Variants in ENOX1 observed in about 807,000 individuals in gnomAD.
The protein encoded by ENOX1 is ecto-NOX disulfide-thiol exchanger 1.
ENOX1 carries 42 observed loss-of-function variants against 82.5 expected under a neutral mutation model. That is an observed-to-expected ratio of 0.51 (90% CI 0.40 to 0.66). The LOEUF (loss-of-function observed/expected upper bound fraction) is 0.66. ENOX1 is among the 30% of genes least tolerant of loss of function. ENOX1 has a pLI of 0.00. For missense variants in ENOX1, 608 were observed against 811.6 expected, an observed-to-expected ratio of 0.75 and a Z score of 3.05; for synonymous variants, 271 against 282.2, an observed-to-expected ratio of 0.96 and a Z score of 0.40.
At chr13:43,598,894 G>A (rs1044668846) in intron 2 of ENOX1, among the ~76,000 whole-genome samples, 1 of 152,128 alleles carries the variant, frequency 6.6e-6, no homozygotes, top group Non-Finnish European at 1.5e-5. Context: ...ATGTTATTCT[G>A]TCACATACAT....
At chr13:43,720,670 G>C (rs2088508831) in intron 1 of ENOX1, among the ~76,000 whole-genome samples, 1 of 152,170 alleles carries the variant, frequency 6.6e-6, no homozygotes, top group Non-Finnish European at 1.5e-5. Flanking sequence ...AGTGAAGCCT[G>C]ATGGGACACT....
chr13:43,359,597 GC>G (rs1301762125), intron 7 of ENOX1: 3 of 491,338 alleles, frequency 6.1e-6, no homozygotes, highest in African/African-American at 5.8e-5. Flanking sequence ...CATCTAATAA[GC>G]ACTTGAGAAC....
At chr13:43,299,767 C>T (rs538738010) in intron 11 of ENOX1, among the ~76,000 whole-genome samples, 28 of 152,242 alleles carry the variant, frequency 1.8e-4, no homozygotes, top group African/African-American at 6.7e-4. Flanking sequence ...AAATTTGAAA[C>T]GCTTGTTACC....
intron 2 of ENOX1, among the ~76,000 whole-genome samples, chr13:43,540,473 A>G (rs1315509156): frequency 1.3e-5 from 2 of 152,226 alleles, no homozygotes; most frequent in Non-Finnish European, 2.9e-5. Flanking sequence ...AAGTATTGGC[A>G]GCATGATAAG....
At chr13:43,503,134 A>G (rs2077039620) in intron 2 of ENOX1, among the ~76,000 whole-genome samples, 1 of 151,746 alleles carries the variant, frequency 6.6e-6, no homozygotes, top group Non-Finnish European at 1.5e-5. Flanking sequence ...AAAAGAACGA[A>G]GTACTCAGGA....
chr13:43,346,751 G>A (rs867230103), intron 8 of ENOX1, among the ~76,000 whole-genome samples: 3 of 152,070 alleles, frequency 2.0e-5, no homozygotes, highest in East Asian at 1.9e-4. Flanking sequence ...CACTGCAACC[G>A]TTACTGGCAG....
At chr13:43,407,602 G>A (rs1372362682) in intron 5 of ENOX1, among the ~76,000 whole-genome samples, 2 of 152,132 alleles carry the variant, frequency 1.3e-5, no homozygotes, top group Non-Finnish European at 2.9e-5. Flanking sequence ...GCTAAATTAA[G>A]TTAGGAATTG....
chr13:43,486,857 T>A (rs766568409), intron 2 of ENOX1, among the ~76,000 whole-genome samples: 6 of 152,174 alleles, frequency 3.9e-5, no homozygotes, highest in Non-Finnish European at 8.8e-5. Flanking sequence ...CTGAGTAACA[T>A]ACAATAAGAA....
chr13:43,675,687 T>C (rs7986170), intron 1 of ENOX1, among the ~76,000 whole-genome samples: 12,365 of 152,202 alleles, frequency 0.081, 731 homozygotes, highest in African/African-American at 0.17. Flanking sequence ...GAAAGGTCTT[T>C]TGAAGGTCAC....
chr13:43,633,798 A>C (rs987236971), intron 2 of ENOX1, among the ~76,000 whole-genome samples: 6 of 151,774 alleles, frequency 4.0e-5, no homozygotes, highest in Non-Finnish European at 7.4e-5. Flanking sequence ...ACTTTTGGGG[A>C]GGTGAGGTTA....
At chr13:43,711,365 G>C (rs552358784) in intron 1 of ENOX1, among the ~76,000 whole-genome samples, 1 of 152,042 alleles carries the variant, frequency 6.6e-6, no homozygotes, top group Non-Finnish European at 1.5e-5. Context: ...ATTGTGAATA[G>C]TGCCACAATA....
chr13:43,704,795 C>T (rs2087145483), intron 1 of ENOX1, among the ~76,000 whole-genome samples: 2 of 152,186 alleles, frequency 1.3e-5, no homozygotes, highest in African/African-American at 4.8e-5. Flanking sequence ...GAGATTTCAG[C>T]AGCTGTATAT....
intron 2 of ENOX1, among the ~76,000 whole-genome samples, chr13:43,616,891 C>T (rs2082503289): frequency 6.6e-6 from 1 of 151,238 alleles, no homozygotes; most frequent in East Asian, 2.0e-4. Context: ...TATCTACTTA[C>T]ATTTTTTAAA....
chr13:43,283,104 TAAGC>T (rs146463200), intron 12 of ENOX1, among the ~76,000 whole-genome samples: 30,559 of 148,498 alleles, frequency 0.21, 3,219 homozygotes, highest in African/African-American at 0.24. Flanking sequence ...AAAAAAAATT[TAAGC>T]TATTAATTCG....
At chr13:43,584,524 T>A (rs1162516356) in intron 2 of ENOX1, among the ~76,000 whole-genome samples, 4 of 152,212 alleles carry the variant, frequency 2.6e-5, no homozygotes, top group African/African-American at 9.6e-5. Context: ...GACTATGGGA[T>A]CTAACGTGAT....
intron 12 of ENOX1, among the ~76,000 whole-genome samples, chr13:43,279,532 C>T (rs1034774779): frequency 6.6e-6 from 1 of 152,210 alleles, no homozygotes; most frequent in Non-Finnish European, 1.5e-5. Flanking sequence ...TTCTCTTCTA[C>T]AGATGATTTT....
intron 1 of ENOX1, among the ~76,000 whole-genome samples, chr13:43,731,282 A>G (rs1057481221): frequency 1.3e-5 from 2 of 152,228 alleles, no homozygotes; most frequent in African/African-American, 4.8e-5. Context: ...GTTTTAATTA[A>G]TGATGTTCTC....
intron 15 of ENOX1, among the ~76,000 whole-genome samples, chr13:43,226,561 C>T (rs1000107245): frequency 2.6e-5 from 4 of 152,200 alleles, no homozygotes; most frequent in African/African-American, 7.2e-5. Flanking sequence ...AGGGCTGAAT[C>T]ACAGTTCGTG....
intron 5 of ENOX1, among the ~76,000 whole-genome samples, chr13:43,377,301 C>T (rs1008516222): frequency 6.6e-6 from 1 of 152,162 alleles, no homozygotes; most frequent in African/African-American, 2.4e-5. Flanking sequence ...TGCTTTCTAC[C>T]ATGGAATGAT....
Sources: gnomAD v4.1 joint callset for allele counts (sites outside exome capture counted in the v4.1 genomes callset) on GRCh38, gnomAD v4.1.1 for gene constraint, MANE v1.5 for transcripts, NCBI Gene and HGNC (gene_info 2026-07-23, HGNC 2026-07-21) for gene names.